KIRREL3: variants seen among roughly 807,000 people sequenced by gnomAD.
The protein encoded by KIRREL3 is kin of IRRE-like protein 3.
KIRREL3 carries 36 observed loss-of-function variants against 89.7 expected under a neutral mutation model. That is an observed-to-expected ratio of 0.40 (90% CI 0.31 to 0.53). The LOEUF is 0.53. KIRREL3 is among the 20% of genes least tolerant of loss of function. The probability of loss-of-function intolerance (pLI) is 0.49; values close to 1 mark genes in which losing one functional copy is unlikely to be tolerated. For missense variants in KIRREL3, 864 were observed against 1,056.6 expected, an observed-to-expected ratio of 0.82 and a Z score of 2.53; for synonymous variants, 445 against 441.4, an observed-to-expected ratio of 1.01 and a Z score of -0.10.
At chr11:126,538,817 C>T (rs1418323155) in intron 2 of KIRREL3, among the ~76,000 whole-genome samples, 5 of 152,236 alleles carry the variant, frequency 3.3e-5, no homozygotes, top group African/African-American at 1.2e-4. Context: ...ATGTCTTCCG[C>T]TGAGTAGGCT....
rs1943807310 is a variant in KIRREL3, at chr11:126,837,096, G to C, written c.55+163359C>G. 1.3e-5 allele frequency among the ~76,000 whole-genome samples: 2 copies of C among 152,142 alleles called. No homozygotes were observed. Among genetic ancestry groups the C allele is most frequent in the Admixed American group, 6.6e-5 (1 of 15,264 alleles). On this transcript the variant is annotated intron_variant, in intron 1 of 16. Coordinates refer to ENST00000525144, the MANE Select transcript of KIRREL3 (RefSeq NM_032531.4). This position sits in a 1 kb window ranked among gnomAD's most constrained non-coding sequence, Gnocchi z 4.7. ...AGCTTCAGAGTAGCGTGGTTTAGAG[G>C]AAAGAATAGAACTTTTGGATTAAAA...
rs1030778597 is a variant in KIRREL3, at chr11:126,685,699, C to A, written c.56-122787G>T. On this transcript the variant is annotated intron_variant, in intron 1 of 16. Coordinates refer to ENST00000525144, the MANE Select transcript of KIRREL3 (RefSeq NM_032531.4). The surrounding 1 kb of genome is among the most constrained non-coding windows in gnomAD (Gnocchi z 5.5). Reference sequence around the variant, plus strand: ...GCTGAGTTAAAGTGCTGTGACACGTCGTTTCCATCTCATTTTGAGATCTTG... The same window carrying A: ...GCTGAGTTAAAGTGCTGTGACACGTAGTTTCCATCTCATTTTGAGATCTTG... Among the ~76,000 whole-genome samples the A allele has an allele frequency of 2.6e-5, 4 of 152,240 alleles. No individual in the cohort carries two copies. Among genetic ancestry groups the A allele is most frequent in the African/African-American group, 9.6e-5 (4 of 41,460 alleles).
intron 6 of KIRREL3, among the ~76,000 whole-genome samples, chr11:126,461,212 A>C (rs1353358688): frequency 6.6e-6 from 1 of 152,240 alleles, no homozygotes. Context: ...GCTGGACTGC[A>C]TGGCTTTGCG....
Position 126,427,430 on chromosome 11 carries a change from C to T in KIRREL3, c.1807-1706G>A, listed in dbSNP as rs1174050701. 3.9e-5 allele frequency among the ~76,000 whole-genome samples: 6 copies of T among 152,170 alleles called. No individual in the cohort carries two copies. The highest frequency in any genetic ancestry group is 2.6e-4 in the Admixed American group (4 of 15,280). ...TTGGGAGAGCAGAAGGTGCACAGCT[C>T]CGCCAGGGGTGGGGAGGACAAGCCC... On this transcript the variant is annotated intron_variant, in intron 15 of 16. Transcript: ENST00000525144. This position sits in a 1 kb window ranked among gnomAD's most constrained non-coding sequence, Gnocchi z 5.3.
chr11:126,525,646 C>T lies in KIRREL3; in HGVS notation c.283+892G>A, dbSNP rs976188196. 3.3e-5 allele frequency among the ~76,000 whole-genome samples: 5 copies of T among 152,198 alleles called. No homozygotes were observed. Among genetic ancestry groups the T allele is most frequent in the African/African-American group, 7.2e-5 (3 of 41,450 alleles). The stretch of plus-strand genomic sequence containing the variant: ...TACTTCTCAGCTGAATAATATTTTT[C>T]TCTCCTCCTCCACCCTTAGCTATTC... On this transcript the variant is annotated intron_variant, in intron 3 of 16. Transcript: ENST00000525144. The surrounding 1 kb of genome is among the most constrained non-coding windows in gnomAD (Gnocchi z 5.4).
chr11:126,633,767 G>T (rs1412891009), intron 1 of KIRREL3, among the ~76,000 whole-genome samples: 1 of 152,140 alleles, frequency 6.6e-6, no homozygotes, highest in Non-Finnish European at 1.5e-5. Flanking sequence ...ACACTGTCTT[G>T]TCTTCCTTTT....
At chr11:126,619,423 G>GTGGTGGGA (rs1468567063) in intron 1 of KIRREL3, among the ~76,000 whole-genome samples, 1 of 152,234 alleles carries the variant, frequency 6.6e-6, no homozygotes, top group African/African-American at 2.4e-5. Context: ...TATCCTAAGT[G>GTGGTGGGA]TGGTGGGATG....
intron 1 of KIRREL3, among the ~76,000 whole-genome samples, chr11:126,749,490 A>G (rs1949264833): frequency 6.6e-6 from 1 of 152,190 alleles, no homozygotes; most frequent in Admixed American, 6.5e-5. Context: ...GCTGAGAACC[A>G]GAAAGATCGT....
intron 4 of KIRREL3, among the ~76,000 whole-genome samples, chr11:126,499,272 T>C (rs1366259763): frequency 6.6e-6 from 1 of 151,896 alleles, no homozygotes; most frequent in Non-Finnish European, 1.5e-5. Flanking sequence ...CGAAAATCCA[T>C]TGGGTGACTC....
chr11:126,612,864 G>A lies in KIRREL3; in HGVS notation c.56-49952C>T, dbSNP rs1001788859. Among the ~76,000 whole-genome samples, 2 of 152,302 alleles carry A rather than the reference G, an allele frequency of 1.3e-5. No individual in the cohort carries two copies. The highest frequency in any genetic ancestry group is 2.1e-4 in the South Asian group (1 of 4,822). ...AACATTCCATGGCATAGCTATAAGC[G>A]CATTTTGTCCATTCATCATCTGCTA... On this transcript the variant is annotated intron_variant, in intron 1 of 16. Transcript: ENST00000525144. The surrounding 1 kb of genome is among the most constrained non-coding windows in gnomAD (Gnocchi z 4.5).
intron 1 of KIRREL3, among the ~76,000 whole-genome samples, chr11:126,956,460 G>A (rs188956875): frequency 8.5e-5 from 13 of 152,266 alleles, no homozygotes; most frequent in Admixed American, 6.5e-4. Context: ...ATGGTTCCAG[G>A]GGGAAACTCC....
At chr11:126,662,347 G>A (rs960880229) in intron 1 of KIRREL3, among the ~76,000 whole-genome samples, 1 of 152,208 alleles carries the variant, frequency 6.6e-6, no homozygotes, top group African/African-American at 2.4e-5. Flanking sequence ...AGCACTAGAG[G>A]CTTATGAAAG....
In KIRREL3 at chr11:126,900,200, G is replaced by T. The variant is rs544519929; in HGVS notation, c.55+100255C>A. On this transcript the variant is annotated intron_variant, in intron 1 of 16. Coordinates refer to ENST00000525144, the MANE Select transcript of KIRREL3 (RefSeq NM_032531.4). The surrounding 1 kb of genome is among the most constrained non-coding windows in gnomAD (Gnocchi z 4.4). ...ACAGCTCTCATGTGCCTAATTTATA[G>T]CAAGTCACCTACTACTAGAACATCG... Among the ~76,000 whole-genome samples, 64 of 152,272 alleles carry T rather than the reference G, an allele frequency of 4.2e-4. No individual in the cohort carries two copies. The highest frequency in any genetic ancestry group is 8.1e-4 in the Non-Finnish European group (55 of 68,020).
rs1945907183 is a variant in KIRREL3, at chr11:126,891,226, T to C, written c.55+109229A>G. Among the ~76,000 whole-genome samples, 1 of 152,168 alleles carries C rather than the reference T, an allele frequency of 6.6e-6. No homozygotes were observed. Among genetic ancestry groups the C allele is most frequent in the Non-Finnish European group, 1.5e-5 (1 of 68,008 alleles). On this transcript the variant is annotated intron_variant, in intron 1 of 16. Coordinates refer to ENST00000525144, the MANE Select transcript of KIRREL3 (RefSeq NM_032531.4). This position sits in a 1 kb window ranked among gnomAD's most constrained non-coding sequence, Gnocchi z 5.1. ...CAAATTATAAAGGGTGATTAGGAAA[T>C]AGCATGGCTCTCTATCTTCTCATGC...
At chr11:126,865,135 T>C (rs992066002) in intron 1 of KIRREL3, among the ~76,000 whole-genome samples, 1 of 152,252 alleles carries the variant, frequency 6.6e-6, no homozygotes, top group Non-Finnish European at 1.5e-5. Flanking sequence ...CTTTCTCTTC[T>C]GCCCCTGGGC....
intron 1 of KIRREL3, among the ~76,000 whole-genome samples, chr11:126,874,778 G>C (rs1023903588): frequency 6.6e-6 from 1 of 152,176 alleles, no homozygotes; most frequent in African/African-American, 2.4e-5. Context: ...TGCGTGGAAT[G>C]GTGGCTGCAT....
chr11:126,923,175 TCTCTTCTTCTTCTC>T (rs1565422974), intron 1 of KIRREL3, among the ~76,000 whole-genome samples: 91 of 7,786 alleles, frequency 0.012, 24 homozygotes, highest in East Asian at 0.028. Flanking sequence ...TTCTTCTTCT[TCTCTTCTTCTTCTC>T]TTCTTCTTCT....
At chr11:126,803,526 A>C (rs544642104) in intron 1 of KIRREL3, among the ~76,000 whole-genome samples, 2 of 152,200 alleles carry the variant, frequency 1.3e-5, no homozygotes, top group Non-Finnish European at 2.9e-5. Context: ...ATTATTGTAC[A>C]TGTATAAATA....
Position 126,429,119 on chromosome 11 carries a change from G to T in KIRREL3, c.1806+60C>A. The T allele has an allele frequency of 8.9e-7, 1 of 1,124,292 alleles. No homozygotes were observed. The highest frequency in any genetic ancestry group is 1.3e-6 in the Non-Finnish European group (1 of 749,360). 69.6% of individuals were successfully genotyped at this position (1,124,292 alleles called of 1,614,324 possible). A position where few individuals can be genotyped will look rare whatever the true frequency, so the allele number is the denominator to read the frequency against. The stretch of plus-strand genomic sequence containing the variant: ...CATCTAGTTCATTGAGAAGCCTCTA[G>T]TCCCAGGACCTTCTGGGAATGGAGT... On this transcript the variant is annotated intron_variant, in intron 15 of 16. Coordinates refer to ENST00000525144, the MANE Select transcript of KIRREL3 (RefSeq NM_032531.4). The surrounding 1 kb of genome is among the most constrained non-coding windows in gnomAD (Gnocchi z 5.2).
Sources: gnomAD v4.1 joint callset for allele counts (sites outside exome capture counted in the v4.1 genomes callset) on GRCh38, gnomAD v4.1.1 for gene constraint, Gnocchi (gnomAD v3.1) non-coding constraint, MANE v1.5 for transcripts, NCBI Gene and HGNC (gene_info 2026-07-23, HGNC 2026-07-21) for gene names.